GALNT7: variants seen among roughly 807,000 people sequenced by gnomAD.
GALNT7 encodes polypeptide N-acetylgalactosaminyltransferase 7.
In GALNT7, 60 loss-of-function variants were observed where a neutral mutation model predicts 82.1. The ratio of observed to expected loss-of-function variants is 0.73; its 90% confidence interval spans 0.59 to 0.91. The LOEUF is 0.91. GALNT7 is among the 40% of genes least tolerant of loss of function. The probability of loss-of-function intolerance (pLI) is 0.00; values close to 1 mark genes in which losing one functional copy is unlikely to be tolerated. For missense variants in GALNT7, 660 were observed against 804.2 expected (o/e 0.82, Z 2.17); for synonymous variants, 243 against 275.1 (o/e 0.88, Z 1.15).
intron 1 of GALNT7, among the ~76,000 whole-genome samples, chr4:173,236,729 G>T (rs1210722681): frequency 6.6e-6 from 1 of 152,142 alleles, no homozygotes; most frequent in Non-Finnish European, 1.5e-5. Context: ...TTTTCAAAAC[G>T]CAGATCAGGT....
At chr4:173,196,020 G>A (rs1311927313) in intron 1 of GALNT7, among the ~76,000 whole-genome samples, 2 of 151,990 alleles carry the variant, frequency 1.3e-5, no homozygotes, top group Non-Finnish European at 2.9e-5. Context: ...ATACTTACTC[G>A]CAAATTCCTA....
At chr4:173,278,788 A>T (rs115289520) in intron 2 of GALNT7, among the ~76,000 whole-genome samples, 25 of 152,226 alleles carry the variant, frequency 1.6e-4, no homozygotes, top group Non-Finnish European at 2.5e-4. Context: ...TATATTGTCC[A>T]GTCCACATCT....
intron 1 of GALNT7, among the ~76,000 whole-genome samples, chr4:173,241,355 T>A (rs1225078284): frequency 6.6e-6 from 1 of 152,152 alleles, no homozygotes; most frequent in Non-Finnish European, 1.5e-5. Flanking sequence ...GCATTAAAAC[T>A]GGGGGAAAAG....
chr4:173,236,140 A>G (rs535550798), intron 1 of GALNT7, among the ~76,000 whole-genome samples: 41 of 152,330 alleles, frequency 2.7e-4, no homozygotes, highest in African/African-American at 7.9e-4. Context: ...AGAAAGCAGT[A>G]TGACAGATCC....
intron 1 of GALNT7, among the ~76,000 whole-genome samples, chr4:173,229,551 C>T (rs992808152): frequency 1.3e-5 from 2 of 152,108 alleles, no homozygotes; most frequent in Non-Finnish European, 2.9e-5. Flanking sequence ...AATCTGTAGC[C>T]AGAGACCTTG....
At chr4:173,281,479 C>A (rs1736105851) in intron 2 of GALNT7, among the ~76,000 whole-genome samples, 1 of 152,128 alleles carries the variant, frequency 6.6e-6, no homozygotes, top group South Asian at 2.1e-4. Context: ...TTACTGTGAC[C>A]CCTGGCAGGC....
intron 1 of GALNT7, among the ~76,000 whole-genome samples, chr4:173,190,936 T>C (rs6822924): frequency 0.26 from 39,157 of 151,954 alleles, 5,804 homozygotes; most frequent in African/African-American, 0.42. Flanking sequence ...CAGACCCCAT[T>C]GCTGTTGGCA....
At chr4:173,210,539 C>A (rs371637158) in intron 1 of GALNT7, among the ~76,000 whole-genome samples, 3 of 152,048 alleles carry the variant, frequency 2.0e-5, no homozygotes, top group African/African-American at 7.3e-5. Flanking sequence ...CTGCAGCTGC[C>A]GCCTCCCGAG....
Position 173,277,140 on chromosome 4 carries a change from G to A in GALNT7, c.588-14968G>A, listed in dbSNP as rs185872799. Among the ~76,000 whole-genome samples, 59 of 152,202 alleles carry A rather than the reference G, an allele frequency of 3.9e-4. 1 individual carries two copies. The East Asian group carries it at 5.4e-3, about 14-fold the overall frequency. ...AATTTACAAAAATATCAAGTGTAGC[G>A]TTTAGACATGGATTATTTGCCCATA... On this transcript the variant is annotated intron_variant, in intron 2 of 11. Coordinates refer to ENST00000265000, the MANE Select transcript of GALNT7 (RefSeq NM_017423.3).
intron 11 of GALNT7, 148 bp from the exon 12 acceptor site, chr4:173,321,432 C>A: frequency 1.6e-6 from 1 of 608,732 alleles, no homozygotes. Context: ...AGAAAACTGA[C>A]AATCAAGAGA....
intron 2 of GALNT7, among the ~76,000 whole-genome samples, chr4:173,289,095 T>C (rs761066776): frequency 3.9e-5 from 6 of 152,174 alleles, no homozygotes; most frequent in Admixed American, 1.3e-4. Context: ...CTGGAGATAA[T>C]ACTGAGGGGT....
rs1734723403 is a variant in GALNT7 at position 173,248,152 on chromosome 4, G to A, written c.299G>A (p.Gly100Glu). ...AAAAATGAACAAGAGCACCATGCTG[G>A]AGGAGATTCCCAGAAAGATATCATG... ...KAKNEQEHHAGGDSQKDIMQR... is the reference protein window; with the variant it reads ...KAKNEQEHHAEGDSQKDIMQR... The change falls in exon 2 of 12, where the codon GGA becomes GAA. Residue 100 changes from glycine to glutamate, a missense_variant. Gly to Glu is a moderately conservative substitution (Grantham distance 98). This residue lies in a region of GALNT7 where 527 missense variants were observed against 683.5 expected (regional missense o/e 0.77). Transcript: ENST00000265000. 1 of 1,613,810 alleles carries A rather than the reference G, an allele frequency of 6.2e-7. No individual in the cohort carries two copies. The highest frequency in any genetic ancestry group is 1.3e-5 in the African/African-American group (1 of 74,902).
rs561361880 is a variant in GALNT7 at position 173,299,042 on chromosome 4, T to C, written c.1148+745T>C. On this transcript the variant is annotated intron_variant, in intron 6 of 11. Coordinates refer to ENST00000265000, the MANE Select transcript of GALNT7 (RefSeq NM_017423.3). ...AAGTGACCCCAAATGAAATGTTTGC[T>C]CAAGTGTTAGTATAGCCTTCTCCTG... 1.8e-4 allele frequency among the ~76,000 whole-genome samples: 28 copies of C among 152,336 alleles called. No homozygotes were observed. The East Asian group carries it at 5.2e-3, about 28-fold the overall frequency.
Position 173,311,569 on chromosome 4 carries a change from G to T in GALNT7, c.1390-2389G>T, listed in dbSNP as rs558041168. Among the ~76,000 whole-genome samples the T allele has an allele frequency of 2.6e-5, 4 of 152,254 alleles. No individual in the cohort carries two copies. The South Asian group carries it at 8.3e-4, about 32-fold the overall frequency. ...GTGGGAGCAGGAGCAAGAGAGAGAA[G>T]CAGGAAGGTGCTACACACTTTTCAC... On this transcript the variant is annotated intron_variant, in intron 8 of 11. Transcript: ENST00000265000.
chr4:173,212,167 A>G (rs1733301659), intron 1 of GALNT7, among the ~76,000 whole-genome samples: 1 of 152,242 alleles, frequency 6.6e-6, no homozygotes, highest in Non-Finnish European at 1.5e-5. Context: ...AGTTGGAGAT[A>G]TGGAGAAAAA....
chr4:173,302,161 C>G lies in GALNT7; in HGVS notation c.1263C>G (p.Tyr421Ter). 8.0e-7 allele frequency: 1 copy of G among 1,252,208 alleles called. No homozygotes were observed. Among genetic ancestry groups the G allele is most frequent in the Non-Finnish European group, 1.2e-6 (1 of 849,760 alleles). 77.6% of individuals were successfully genotyped at this position (1,252,208 alleles called of 1,614,324 possible). A position where few individuals can be genotyped will look rare whatever the true frequency, so the allele number is the denominator to read the frequency against. ...GTGGTGAAAACTTTGAGATCTCATA[C>G]AAGGTAACATTTTATTTCAACAGAT... Reference protein sequence around the residue: ...IWGGENFEISYKIWQCGGKLL... With the variant: ...IWGGENFEIS Residue 421 changes from tyrosine (Y) to a stop codon, truncating the protein, a stop_gained, in exon 7 of 12, where the codon TAC becomes TAG. Coordinates refer to ENST00000265000, the MANE Select transcript of GALNT7 (RefSeq NM_017423.3). LOFTEE classifies it high-confidence loss of function. The surrounding 1 kb of genome is among the most constrained non-coding windows in gnomAD (Gnocchi z 4.2).
At chr4:173,273,898 C>T (rs1735812847) in intron 2 of GALNT7, among the ~76,000 whole-genome samples, 2 of 152,342 alleles carry the variant, frequency 1.3e-5, no homozygotes, top group South Asian at 4.1e-4. Context: ...CCTTTATTTG[C>T]TCAGACTGTT....
chr4:173,292,300 GT>G lies in GALNT7; in HGVS notation c.754+27del. 1.4e-6 allele frequency: 2 copies of G among 1,412,288 alleles called. No individual in the cohort carries two copies. The highest frequency in any genetic ancestry group is 1.9e-6 in the Non-Finnish European group (2 of 1,033,116). 87.5% of individuals were successfully genotyped at this position (1,412,288 alleles called of 1,614,324 possible). ...GTAATGGCTGTGAAACTCACATTTT[GT>G]CTATAAAATAAGTTAAGCATGAATA... On this transcript the variant is annotated intron_variant, in intron 3 of 11. Coordinates refer to ENST00000265000, the MANE Select transcript of GALNT7 (RefSeq NM_017423.3). The surrounding 1 kb of genome is among the most constrained non-coding windows in gnomAD (Gnocchi z 4.8).
At chr4:173,218,387 C>T (rs1257105613) in intron 1 of GALNT7, among the ~76,000 whole-genome samples, 3 of 152,052 alleles carry the variant, frequency 2.0e-5, no homozygotes, top group Non-Finnish European at 2.9e-5. Context: ...CTAAAAAGCT[C>T]TTATAGTAAA....
Sources: allele counts gnomAD v4.1 joint callset (sites outside exome capture counted in the v4.1 genomes callset), GRCh38; gene constraint gnomAD v4.1.1; regional missense constraint gnomAD v4.1.1; non-coding constraint Gnocchi (gnomAD v3.1); transcripts MANE v1.5; gene names NCBI Gene and HGNC (gene_info 2026-07-23, HGNC 2026-07-21).